The following SCN2A variants were observed in gnomAD, a reference collection of about 807,000 sequenced individuals.
SCN2A encodes sodium channel protein type 2 subunit alpha.
In SCN2A, 20 loss-of-function variants were observed where a neutral mutation model predicts 188.7. The ratio of observed to expected loss-of-function variants is 0.11; its 90% CI spans 0.07 to 0.15. The LOEUF (loss-of-function observed/expected upper bound fraction) is 0.15. Ranked by LOEUF, SCN2A falls within the 10% of genes least tolerant of loss-of-function variation. The pLI, the probability that SCN2A is intolerant of heterozygous loss-of-function variation, is 1.00. For synonymous variants in SCN2A, 804 were observed against 833.1 expected (o/e 0.97, Z 0.60); for missense variants, 1,278 against 2,445.0 (o/e 0.52, Z 10.07).
intron 20 of SCN2A, 178 bp downstream of exon 20, chr2:165,370,477 C>T: frequency 1.6e-6 from 1 of 625,638 alleles, no homozygotes; most frequent in East Asian, 2.8e-5. Flanking sequence ...AATACATATA[C>T]ATTCATAGAT....
In SCN2A at chr2:165,365,212, C is replaced by G. The variant is rs2105355838; in HGVS notation, c.3469C>G (p.Pro1157Ala). The G allele has an allele frequency of 6.2e-7, 1 of 1,613,920 alleles. No homozygotes were observed. The highest frequency in any genetic ancestry group is 8.5e-7 in the Non-Finnish European group (1 of 1,179,896). Reference sequence around the variant, plus strand: ...TGGAGCTCCCGCCGAGGGAGAACAGCCTGAGGTTGAACCTGAGGAATCCCT... The same window carrying G: ...TGGAGCTCCCGCCGAGGGAGAACAGGCTGAGGTTGAACCTGAGGAATCCCT... ...DIGAPAEGEQ[P>A]EVEPEESLEP... The change falls in exon 18 of 27, where the codon CCT becomes GCT. Residue 1157 changes from proline (P) to alanine (A), a missense_variant. By Grantham distance (27) the Pro-to-Ala change is conservative. This residue lies in a region of SCN2A where 228 missense variants were observed against 297.3 expected (regional missense o/e 0.77). Coordinates refer to ENST00000375437, the MANE Select transcript of SCN2A (RefSeq NM_001040142.2).
intron 1 of SCN2A, among the ~76,000 whole-genome samples, chr2:165,282,048 G>C (rs1434095712): frequency 1.3e-5 from 2 of 152,108 alleles, no homozygotes; most frequent in African/African-American, 4.8e-5. Flanking sequence ...CCTCCAACAG[G>C]GAGAATGCTG....
chr2:165,264,374 GA>G (rs1440718220), intron 1 of SCN2A, among the ~76,000 whole-genome samples: 5 of 152,024 alleles, frequency 3.3e-5, no homozygotes, highest in Middle Eastern at 6.3e-3. Context: ...AATAGATCCA[GA>G]AGAAACATTT....
chr2:165,347,200 C>A (rs1159251289), intron 16 of SCN2A, among the ~76,000 whole-genome samples: 1 of 152,132 alleles, frequency 6.6e-6, no homozygotes. Context: ...CCCAAATGCC[C>A]ATCAATGATA....
intron 11 of SCN2A, among the ~76,000 whole-genome samples, chr2:165,321,868 A>T (rs1698093819): frequency 6.6e-6 from 1 of 152,228 alleles, no homozygotes. Context: ...ATTAGTAGGT[A>T]TAAAATAATG....
chr2:165,250,882 C>T (rs187808437), intron 1 of SCN2A, among the ~76,000 whole-genome samples: 1 of 152,182 alleles, frequency 6.6e-6, no homozygotes, highest in East Asian at 1.9e-4. Context: ...CCATGTTCTT[C>T]ATCATTTTTC....
chr2:165,333,899 A>G (rs939416250), intron 14 of SCN2A, among the ~76,000 whole-genome samples: 2 of 151,382 alleles, frequency 1.3e-5, no homozygotes, highest in Non-Finnish European at 3.0e-5. Flanking sequence ...AAAAGAGGAA[A>G]GACACTAATT....
chr2:165,339,530 A>G (rs1699195018), intron 14 of SCN2A, among the ~76,000 whole-genome samples: 1 of 152,172 alleles, frequency 6.6e-6, no homozygotes, highest in Non-Finnish European at 1.5e-5. Flanking sequence ...GATTAGAAAT[A>G]AACGCGATAT....
intron 17 of SCN2A, among the ~76,000 whole-genome samples, chr2:165,361,679 T>G (rs1432027121): frequency 6.6e-6 from 1 of 152,032 alleles, no homozygotes; most frequent in African/African-American, 2.4e-5. Flanking sequence ...GCTGCTCCGC[T>G]TCAGAAGACA....
chr2:165,312,172 C>G (rs971700697), intron 8 of SCN2A, 84 bp downstream of exon 8: 1 of 934,652 alleles, frequency 1.1e-6, no homozygotes, highest in Admixed American at 1.8e-5. Context: ...TCCAGTCCCA[C>G]TCACTCCTCA....
intron 1 of SCN2A, among the ~76,000 whole-genome samples, chr2:165,250,010 G>A (rs1694015876): frequency 2.0e-5 from 3 of 151,868 alleles, no homozygotes; most frequent in Admixed American, 2.0e-4. Context: ...CCTTTATAAT[G>A]TTCTCTCTGT....
In SCN2A at chr2:165,239,447, A is replaced by T. The variant is rs1693522187; in HGVS notation, c.-245A>T. The T allele has an allele frequency of 6.3e-6, 1 of 158,848 alleles. No homozygotes were observed. The highest frequency in any genetic ancestry group is 1.3e-5 in the Non-Finnish European group (1 of 74,158). The allele number at this position is 158,848 out of a possible 1,614,324, so 9.8% of individuals were successfully genotyped here. A position where few individuals can be genotyped will look rare whatever the true frequency, so the allele number is the denominator to read the frequency against. On this transcript the variant is annotated 5_prime_UTR_variant, in exon 1 of 27. Coordinates refer to ENST00000375437, the MANE Select transcript of SCN2A (RefSeq NM_001040142.2). ...TTGGGTACCATCGAATGACTGTCAG[A>T]ACAGAAAGCTAAGGCAAAGGAGGGA...
intron 3 of SCN2A, among the ~76,000 whole-genome samples, chr2:165,303,399 C>T (rs780380828): frequency 1.5e-4 from 22 of 151,266 alleles, no homozygotes; most frequent in Admixed American, 1.5e-3. Context: ...CCTCAGCCTC[C>T]GGAGTAGCTG....
chr2:165,317,904 A>T (rs963538802), intron 11 of SCN2A, among the ~76,000 whole-genome samples: 31 of 152,306 alleles, frequency 2.0e-4, no homozygotes, highest in African/African-American at 7.2e-4. Flanking sequence ...AGAAAAAGAC[A>T]GAGGGAAAGG....
At chr2:165,266,125 C>T (rs531303994) in intron 1 of SCN2A, among the ~76,000 whole-genome samples, 15 of 152,008 alleles carry the variant, frequency 9.9e-5, no homozygotes, top group Non-Finnish European at 1.6e-4. Flanking sequence ...TAATGAACTA[C>T]GGAAATATTA....
intron 16 of SCN2A, among the ~76,000 whole-genome samples, chr2:165,350,467 T>C (rs1350031491): frequency 4.8e-5 from 2 of 41,338 alleles, no homozygotes; most frequent in Non-Finnish European, 9.4e-5. Context: ...TTTCTTTCTT[T>C]TTTTTTTTTT....
rs775124046 is a variant in SCN2A, at chr2:165,373,296, A to G, written c.3921A>G (p.Thr1307=). ...SELGAIKSLR[T]LRALRPLRAL... is the part of the protein sequence containing the mutation. ...TTGGTGCCATCAAATCCCTCAGAACACTAAGAGCTCTGAGGCCACTGAGAG... is the reference window on the plus strand; with the variant it reads ...TTGGTGCCATCAAATCCCTCAGAACGCTAAGAGCTCTGAGGCCACTGAGAG... The change falls in exon 21 of 27, where the codon ACA becomes ACG. Residue 1307 remains threonine (T), a synonymous_variant. Transcript: ENST00000375437. 6 of 1,613,134 alleles carry G rather than the reference A, an allele frequency of 3.7e-6. No individual in the cohort carries two copies. In the South Asian group the frequency reaches 4.4e-5, roughly 12 times the overall value.
intron 15 of SCN2A, 86 bp from the exon 16 acceptor site, chr2:165,344,469 A>T (rs1271027247): frequency 2.4e-6 from 2 of 830,928 alleles, no homozygotes; most frequent in Non-Finnish European, 3.3e-6. Flanking sequence ...AAATAAAAAT[A>T]AAAAATAAAA....
intron 5 of SCN2A, chr2:165,309,125 A>T: frequency 1.9e-6 from 3 of 1,603,846 alleles, no homozygotes; most frequent in Non-Finnish European, 2.6e-6. Context: ...GAAGACGTAG[A>T]TTTCCCTAAA....
Sources: allele counts gnomAD v4.1 joint callset (sites outside exome capture counted in the v4.1 genomes callset), GRCh38; gene constraint gnomAD v4.1.1; regional missense constraint gnomAD v4.1.1; transcripts MANE v1.5; gene names NCBI Gene and HGNC (gene_info 2026-07-23, HGNC 2026-07-21).